The following NUSAP1 variants were observed in gnomAD, a reference collection of about 807,000 sequenced individuals.
NUSAP1 encodes the protein nucleolar and spindle associated protein 1.
Under a neutral mutation model 52.8 loss-of-function variants are expected in NUSAP1, and 32 were observed. The observed-to-expected ratio is 0.61, with a 90% CI of 0.46 to 0.81. The LOEUF is 0.81. Among genes scored for constraint, NUSAP1 ranks in the 40% least tolerant of loss-of-function variants. The pLI is 0.00. For missense variants in NUSAP1, 499 were observed against 522.3 expected, an observed-to-expected ratio of 0.96 and a Z score of 0.43; for synonymous variants, 195 against 183.1, an observed-to-expected ratio of 1.06 and a Z score of -0.52.
At chr15:41,366,169 C>T (rs1263235199) in intron 7 of NUSAP1, among the ~76,000 whole-genome samples, 1 of 152,114 alleles carries the variant, frequency 6.6e-6, no homozygotes, top group Admixed American at 6.6e-5. Flanking sequence ...CACAAGGTCT[C>T]ACTACGTTGT....
chr15:41,339,401 T>C lies in NUSAP1; in HGVS notation c.94-2985T>C, dbSNP rs144288612. Among the ~76,000 whole-genome samples the C allele has an allele frequency of 2.4e-3, 359 of 151,814 alleles. 1 individual carries two copies. The highest frequency in any genetic ancestry group is 8.3e-3 in the African/African-American group (341 of 41,326). On this transcript the variant is annotated intron_variant, in intron 1 of 10. Coordinates refer to ENST00000559596, the MANE Select transcript of NUSAP1 (RefSeq NM_016359.5). ...GAAATATGAGTGTTTATTACATTAC[T>C]TCGACTTTTCTTTTTTTTTTTTTTT...
At chr15:41,365,292 G>C in intron 6 of NUSAP1, 110 bp from the exon 7 acceptor site, 1 of 834,546 alleles carries the variant, frequency 1.2e-6, no homozygotes. Context: ...GAGTAGCTGG[G>C]ACTATAGGCA....
At chr15:41,340,123 C>G (rs2140527374) in intron 1 of NUSAP1, among the ~76,000 whole-genome samples, 1 of 152,260 alleles carries the variant, frequency 6.6e-6, no homozygotes, top group Admixed American at 6.6e-5. Context: ...GACCCAGCCT[C>G]TGGTCACATC....
intron 5 of NUSAP1, among the ~76,000 whole-genome samples, chr15:41,356,494 A>G (rs1567056348): frequency 6.6e-6 from 1 of 151,540 alleles, no homozygotes; most frequent in African/African-American, 2.4e-5. Context: ...AGCTGGGACT[A>G]CAGGTGTGCT....
rs547616545 is a variant in NUSAP1, at chr15:41,380,513, G to C, written c.*327G>C. The C allele has an allele frequency of 4.9e-6, 1 of 205,844 alleles. No individual in the cohort carries two copies. Among genetic ancestry groups the C allele is most frequent in the Non-Finnish European group, 9.9e-6 (1 of 101,292 alleles). 12.8% of individuals were successfully genotyped at this position (205,844 alleles called of 1,614,324 possible). A position where few individuals can be genotyped will look rare whatever the true frequency, so the allele number is the denominator to read the frequency against. The stretch of plus-strand genomic sequence containing the variant: ...TGGTTCTAATATTAACAGAACTGCA[G>C]TCTTCTGCTAGCCAATAGCATTTAC... On this transcript the variant is annotated 3_prime_UTR_variant, in exon 11 of 11. Coordinates refer to ENST00000559596, the MANE Select transcript of NUSAP1 (RefSeq NM_016359.5).
chr15:41,345,331 T>A (rs948043031), intron 2 of NUSAP1, among the ~76,000 whole-genome samples: 3 of 152,068 alleles, frequency 2.0e-5, no homozygotes, highest in Non-Finnish European at 4.4e-5. Context: ...ATCAGGGAGT[T>A]GGAAAGTGGG....
intron 7 of NUSAP1, among the ~76,000 whole-genome samples, chr15:41,370,389 G>T (rs2049620326): frequency 6.6e-6 from 1 of 150,824 alleles, no homozygotes; most frequent in Non-Finnish European, 1.5e-5. Context: ...CTCCAAATGG[G>T]TGAATGGTTG....
chr15:41,353,363 A>G (rs1413759454), intron 4 of NUSAP1, among the ~76,000 whole-genome samples: 1 of 152,130 alleles, frequency 6.6e-6, no homozygotes, highest in African/African-American at 2.4e-5. Flanking sequence ...ACTGGTCTCG[A>G]ACTCCTAATC....
At position 41,365,405 on chromosome 15, in the gene NUSAP1, C is replaced by CTTG; in HGVS notation, c.664_665insTTG (p.Gln222delinsLeuGlu). The CTTG allele has an allele frequency of 6.2e-7, 1 of 1,602,360 alleles. No homozygotes were observed. The highest frequency in any genetic ancestry group is 8.5e-7 in the Non-Finnish European group (1 of 1,172,506). On this transcript the variant is annotated protein_altering_variant, in exon 7 of 11. Coordinates refer to ENST00000559596, the MANE Select transcript of NUSAP1 (RefSeq NM_016359.5). ...AAATGATGCATTTTCTCTTCAGCAGCAGCCCATCAATAAGGGAGGGGTCAG... is the reference window on the plus strand; with the variant it reads ...AAATGATGCATTTTCTCTTCAGCAGCTTGAGCCCATCAATAAGGGAGGGGTCAG...
intron 6 of NUSAP1, 71 bp downstream of exon 6, chr15:41,358,329 G>T: frequency 1.4e-6 from 1 of 715,168 alleles, no homozygotes; most frequent in Non-Finnish European, 2.4e-6. Context: ...ATATAACACC[G>T]TGGTTACAAC....
chr15:41,349,061 G>A (rs1157914407), intron 2 of NUSAP1, 37 bp from the exon 3 acceptor site: 1 of 1,594,354 alleles, frequency 6.3e-7, no homozygotes, highest in South Asian at 1.1e-5. Context: ...TATAACTGTA[G>A]ACATAGCACA....
At chr15:41,351,189 C>T in intron 4 of NUSAP1, 60 bp downstream of exon 4, 1 of 1,537,504 alleles carries the variant, frequency 6.5e-7, no homozygotes, top group South Asian at 1.2e-5. Context: ...CTAGAAGTAG[C>T]CAGGTACATT....
intron 6 of NUSAP1, 150 bp downstream of exon 6, chr15:41,358,408 C>T (rs2049047813): frequency 1.8e-6 from 1 of 551,832 alleles, no homozygotes; most frequent in Admixed American, 3.6e-5. Context: ...TTGCTTTCCC[C>T]TACCCTGAGA....
intron 8 of NUSAP1, among the ~76,000 whole-genome samples, 199 bp downstream of exon 8, chr15:41,371,883 G>T (rs1291241268): frequency 6.6e-6 from 1 of 151,972 alleles, no homozygotes; most frequent in African/African-American, 2.4e-5. Flanking sequence ...CAATTCTCCT[G>T]CCTCAGCCTC....
intron 7 of NUSAP1, among the ~76,000 whole-genome samples, chr15:41,368,596 A>G (rs78108579): frequency 0.028 from 4,212 of 152,246 alleles, 88 homozygotes; most frequent in Middle Eastern, 0.078. Flanking sequence ...CAAAGTCTTC[A>G]GATTACTTCT....
chr15:41,341,436 G>A (rs183290957), intron 1 of NUSAP1, among the ~76,000 whole-genome samples: 12 of 152,128 alleles, frequency 7.9e-5, no homozygotes, highest in Non-Finnish European at 1.8e-4. Flanking sequence ...AGAACAAGAA[G>A]GGAGGTTTTC....
chr15:41,363,272 C>T (rs901553082), intron 6 of NUSAP1, among the ~76,000 whole-genome samples: 36 of 138,832 alleles, frequency 2.6e-4, no homozygotes, highest in African/African-American at 9.4e-4. Context: ...GGCGACAGAG[C>T]AAGTCTCCAT....
Position 41,380,117 on chromosome 15 carries a change from G to A in NUSAP1, c.1257G>A (p.Glu419=). The change falls in exon 11 of 11, where the codon GAG becomes GAA. Residue 419 remains glutamate, a synonymous_variant. Transcript: ENST00000559596. The part of the protein sequence containing the change: ...QTKEEQRKKR[E]QERKEKKAKV... ...GGGAAGAGCAACGGAAGAAACGCGA[G>A]CAAGAACGAAAGGAGAAGAAAGCAA... 6.3e-7 allele frequency: 1 copy of A among 1,587,534 alleles called. No homozygotes were observed. The highest frequency in any genetic ancestry group is 1.2e-5 in the South Asian group (1 of 86,722).
intron 1 of NUSAP1, among the ~76,000 whole-genome samples, chr15:41,341,787 C>A (rs1267600373): frequency 1.3e-5 from 2 of 152,210 alleles, no homozygotes; most frequent in African/African-American, 4.8e-5. Flanking sequence ...CACCCACTGC[C>A]TTGCTGCAAA....
Sources: gnomAD v4.1 joint callset for allele counts (sites outside exome capture counted in the v4.1 genomes callset) on GRCh38, gnomAD v4.1.1 for gene constraint, MANE v1.5 for transcripts, NCBI Gene and HGNC (gene_info 2026-07-23, HGNC 2026-07-21) for gene names.